Variants in TSPEAR observed in about 807,000 individuals in gnomAD.
The protein encoded by TSPEAR is thrombospondin type laminin G domain and EAR repeats, also known as thrombospondin-type laminin G domain and EAR repeat-containing protein.
Under a neutral mutation model 71.6 loss-of-function variants are expected in TSPEAR, and 69 were observed. The ratio of observed to expected loss-of-function variants is 0.96; its 90% CI spans 0.79 to 1.18. TSPEAR has a LOEUF of 1.18. Among genes scored for constraint, TSPEAR ranks in the 50% most tolerant of loss-of-function variants. The pLI is 0.00. For synonymous variants in TSPEAR, 402 were observed against 387.2 expected (o/e 1.04, Z -0.45); for missense variants, 971 against 894.9 (o/e 1.09, Z -1.09).
Position 44,710,551 on chromosome 21 carries a change from C to A in TSPEAR, c.82+882G>T, listed in dbSNP as rs1988168035. ...GTGGCCCGGTGCCGGGGGTGGACTT[C>A]ATCTATTCCAGGGAACCAAGGATGC... On this transcript the variant is annotated intron_variant, in intron 1 of 11. Transcript: ENST00000323084. The surrounding 1 kb of genome is among the most constrained non-coding windows in gnomAD (Gnocchi z 4.6). Among the ~76,000 whole-genome samples, 1 of 152,134 alleles carries A rather than the reference C, an allele frequency of 6.6e-6. No individual in the cohort carries two copies. Among genetic ancestry groups the A allele is most frequent in the Non-Finnish European group, 1.5e-5 (1 of 68,018 alleles).
rs1555910881 is a variant in TSPEAR at position 44,499,758 on chromosome 21, C to A, written c.*25G>T. 7 of 1,541,682 alleles carry A rather than the reference C, an allele frequency of 4.5e-6. No individual in the cohort carries two copies. Among genetic ancestry groups the A allele is most frequent in the Non-Finnish European group, 6.1e-6 (7 of 1,144,654 alleles). The stretch of plus-strand genomic sequence containing the variant: ...GGGGTCCCGCCCCACCTGGCCACCC[C>A]AGTTGCTGCCGGGCAGCCGCGGCCT... On this transcript the variant is annotated 3_prime_UTR_variant, in exon 12 of 12. Transcript: ENST00000323084.
At chr21:44,550,797 G>T (rs2053404453) in intron 2 of TSPEAR, 2 of 1,612,370 alleles carry the variant, frequency 1.2e-6, no homozygotes, top group African/African-American at 1.3e-5. Flanking sequence ...GCAGGAGGAG[G>T]TGCAGCAAGC....
At chr21:44,621,808 T>C (rs587605456) in intron 1 of TSPEAR, among the ~76,000 whole-genome samples, 1 of 152,352 alleles carries the variant, frequency 6.6e-6, no homozygotes, top group East Asian at 1.9e-4. Flanking sequence ...ATGGGATATT[T>C]GTATTTTTGT....
At chr21:44,697,188 CG>C in intron 1 of TSPEAR, 1 of 1,610,936 alleles carries the variant, frequency 6.2e-7, no homozygotes. Flanking sequence ...ACCCCCAGCA[CG>C]GCTGCATCCA....
intron 1 of TSPEAR, among the ~76,000 whole-genome samples, chr21:44,699,364 T>G (rs1601579970): frequency 3.9e-5 from 4 of 103,140 alleles, no homozygotes; most frequent in Admixed American, 3.0e-4. Flanking sequence ...TGGGTGAGAG[T>G]GAGACACTGT....
intron 4 of TSPEAR, among the ~76,000 whole-genome samples, chr21:44,530,673 A>C (rs2052950776): frequency 6.6e-6 from 1 of 152,222 alleles, no homozygotes. Flanking sequence ...TCATGGAGTG[A>C]GGTCCCCACT....
At chr21:44,620,006 C>G (rs1307886205) in intron 1 of TSPEAR, among the ~76,000 whole-genome samples, 2 of 152,212 alleles carry the variant, frequency 1.3e-5, no homozygotes, top group Non-Finnish European at 2.9e-5. Context: ...ACACATCAAT[C>G]TAACTCAGAG....
intron 2 of TSPEAR, among the ~76,000 whole-genome samples, chr21:44,552,686 TTGTGACTGTCACTGGCCATG>T (rs1427585367): frequency 6.6e-6 from 1 of 152,198 alleles, no homozygotes; most frequent in Non-Finnish European, 1.5e-5. Context: ...GTCACTGCCA[TTGTGACTGTCACTGGCCATG>T]TGCACCGGCT....
In TSPEAR at chr21:44,601,207, T is replaced by C; in HGVS notation, c.83-33202A>G. 6.2e-7 allele frequency: 1 copy of C among 1,600,830 alleles called. No homozygotes were observed. The highest frequency in any genetic ancestry group is 8.5e-7 in the Non-Finnish European group (1 of 1,177,158). On this transcript the variant is annotated intron_variant, in intron 1 of 11. Transcript: ENST00000323084. ...CCAGGCGGTCTGTGAGCCCAGCCCC[T>C]GCCAATCAGGCTGCATCAGCTCCTG...
intron 1 of TSPEAR, among the ~76,000 whole-genome samples, chr21:44,689,375 G>A (rs1490106047): frequency 4.0e-5 from 6 of 151,640 alleles, no homozygotes; most frequent in Admixed American, 1.3e-4. Context: ...GTTGGCGGGT[G>A]CCTGTAGTCC....
chr21:44,560,755 G>A (rs2053620514), intron 2 of TSPEAR, among the ~76,000 whole-genome samples: 1 of 152,086 alleles, frequency 6.6e-6, no homozygotes, highest in Non-Finnish European at 1.5e-5. Context: ...CGAAATTAAG[G>A]CAAAAATCAA....
intron 3 of TSPEAR, among the ~76,000 whole-genome samples, chr21:44,532,615 A>G (rs2052995922): frequency 6.6e-6 from 1 of 152,266 alleles, no homozygotes; most frequent in Admixed American, 6.5e-5. Context: ...TACCTTTGAA[A>G]GTAATATTCG....
chr21:44,685,018 A>T (rs1410085567), intron 1 of TSPEAR, among the ~76,000 whole-genome samples: 1 of 152,022 alleles, frequency 6.6e-6, no homozygotes, highest in Non-Finnish European at 1.5e-5. Context: ...CCTTAAGGTC[A>T]CTCTCACATG....
chr21:44,588,977 C>T (rs1007308393), intron 1 of TSPEAR, among the ~76,000 whole-genome samples: 1 of 151,700 alleles, frequency 6.6e-6, no homozygotes, highest in Non-Finnish European at 1.5e-5. Flanking sequence ...AAGAATGACA[C>T]AATGGACTTT....
intron 2 of TSPEAR, among the ~76,000 whole-genome samples, chr21:44,534,310 G>A (rs1274892917): frequency 1.5e-4 from 10 of 67,832 alleles, no homozygotes; most frequent in Admixed American, 1.4e-4. Flanking sequence ...TGGTGTGTGT[G>A]GGGCAGGGCT....
chr21:44,683,121 C>T (rs1555948376), intron 1 of TSPEAR, among the ~76,000 whole-genome samples: 1 of 151,996 alleles, frequency 6.6e-6, no homozygotes, highest in African/African-American at 2.4e-5. Context: ...CCTAGGCCAG[C>T]CCGAACAAAG....
rs587709061 is a variant in TSPEAR, at chr21:44,582,698, C to T, written c.83-14693G>A. Among the ~76,000 whole-genome samples the T allele has an allele frequency of 3.5e-4, 53 of 152,328 alleles. 1 individual carries two copies. The South Asian group carries it at 6.4e-3, about 18-fold the overall frequency. On this transcript the variant is annotated intron_variant, in intron 1 of 11. Transcript: ENST00000323084. ...GTGCCTGATCTAAGTCCACGCCCTG[C>T]GCTCAGTGGAGACGTGTCTTTTTGG...
At chr21:44,707,167 C>A (rs1168586886) in intron 1 of TSPEAR, among the ~76,000 whole-genome samples, 4 of 152,180 alleles carry the variant, frequency 2.6e-5, no homozygotes, top group African/African-American at 4.8e-5. Flanking sequence ...CCACTGGACG[C>A]GGATTTGGGA....
chr21:44,591,215 G>C (rs1979792024), intron 1 of TSPEAR: 1 of 1,369,538 alleles, frequency 7.3e-7, no homozygotes, highest in Non-Finnish European at 9.8e-7. Flanking sequence ...GGAGTAGCTG[G>C]GGTCTCTCAT....
Sources: gnomAD v4.1 joint callset for allele counts (sites outside exome capture counted in the v4.1 genomes callset) on GRCh38, gnomAD v4.1.1 for gene constraint, Gnocchi (gnomAD v3.1) non-coding constraint, MANE v1.5 for transcripts, NCBI Gene and HGNC (gene_info 2026-07-23, HGNC 2026-07-21) for gene names.